The following COL4A3 variants were observed in gnomAD, a reference collection of about 807,000 sequenced individuals.
The protein encoded by COL4A3 is collagen type IV alpha 3 chain, also known as collagen alpha-3(IV) chain.
In COL4A3, 135 loss-of-function variants were observed where a neutral mutation model predicts 217.4. The observed-to-expected ratio is 0.62, with a 90% CI of 0.54 to 0.72. The LOEUF (loss-of-function observed/expected upper bound fraction) is 0.72. Ranked by LOEUF, COL4A3 falls within the 30% of genes least tolerant of loss-of-function variation. The pLI is 0.00. For missense variants in COL4A3, 1,868 were observed against 2,119.9 expected, an observed-to-expected ratio of 0.88 and a Z score of 2.33; for synonymous variants, 690 against 736.3, an observed-to-expected ratio of 0.94 and a Z score of 1.02.
chr2:227,214,209 ATGTC>A (rs1359257126), intron 1 of COL4A3, among the ~76,000 whole-genome samples: 6 of 152,186 alleles, frequency 3.9e-5, no homozygotes, highest in Admixed American at 3.3e-4. Context: ...ATAATATACA[ATGTC>A]TGTGTGGAGT....
rs2069661844 is a variant in COL4A3, at chr2:227,250,345, TAG to T, written c.547-793_547-792del. Among the ~76,000 whole-genome samples the T allele has an allele frequency of 5.5e-5, 4 of 72,722 alleles. No individual in the cohort carries two copies. The South Asian group carries it at 1.6e-3, about 30-fold the overall frequency. The allele number at this position is 72,722 out of a possible 152,430, so 47.7% of individuals were successfully genotyped here. On this transcript the variant is annotated intron_variant, in intron 9 of 51. Coordinates refer to ENST00000396578, the MANE Select transcript of COL4A3 (RefSeq NM_000091.5). The surrounding 1 kb of genome is among the most constrained non-coding windows in gnomAD (Gnocchi z 4.1). ...AGGTAGATAGATAAAAGATGATAGA[TAG>T]ATAGATAGATAGATAGATAGATAGA...
In COL4A3 at chr2:227,282,444, A is replaced by T. The variant is rs1351637178; in HGVS notation, c.2568A>T (p.Gly856=). 6.2e-7 allele frequency: 1 copy of T among 1,613,802 alleles called. No homozygotes were observed. The highest frequency in any genetic ancestry group is 1.7e-5 in the Admixed American group (1 of 60,010). The part of the protein sequence containing the change: ...LDRSGFPGET[G]SPGIPGHQGE... ...GATCAGGATTTCCTGGAGAAACTGGATCACCAGGAATTCCAGGTCATCAAG... is the reference window on the plus strand; with the variant it reads ...GATCAGGATTTCCTGGAGAAACTGGTTCACCAGGAATTCCAGGTCATCAAG... The change falls in exon 32 of 52, where the codon GGA becomes GGT. Residue 856 remains glycine (G), a synonymous_variant. Transcript: ENST00000396578. This position sits in a 1 kb window ranked among gnomAD's most constrained non-coding sequence, Gnocchi z 4.4.
intron 1 of COL4A3, among the ~76,000 whole-genome samples, chr2:227,201,247 T>G (rs2125736220): frequency 6.6e-6 from 1 of 152,326 alleles, no homozygotes; most frequent in South Asian, 2.1e-4. Context: ...CGGTCTTATT[T>G]ACAAGTTCAT....
chr2:227,234,053 T>C (rs535054004), intron 1 of COL4A3, among the ~76,000 whole-genome samples: 2 of 152,172 alleles, frequency 1.3e-5, no homozygotes, highest in Non-Finnish European at 2.9e-5. Context: ...ATTGATTTCT[T>C]AGTTTTGGGG....
intron 1 of COL4A3, among the ~76,000 whole-genome samples, chr2:227,208,579 C>G (rs1049545024): frequency 2.6e-5 from 4 of 152,106 alleles, no homozygotes; most frequent in Admixed American, 1.3e-4. Context: ...AGCCCCTACC[C>G]GCCAAACTAT....
chr2:227,254,750 G>A (rs1271142743), intron 15 of COL4A3, 35 bp downstream of exon 15: 4 of 1,483,930 alleles, frequency 2.7e-6, no homozygotes, highest in Non-Finnish European at 2.8e-6. Flanking sequence ...GTGCAGTTTT[G>A]ATTAGTCAGG....
At chr2:227,172,517 C>CTTG (rs2065519999) in intron 1 of COL4A3, among the ~76,000 whole-genome samples, 1 of 150,608 alleles carries the variant, frequency 6.6e-6, no homozygotes. Context: ...CCTTCTTCTT[C>CTTG]GTCTTTGTCA....
chr2:227,176,792 A>G (rs1228657904), intron 1 of COL4A3, among the ~76,000 whole-genome samples: 2 of 152,210 alleles, frequency 1.3e-5, no homozygotes, highest in Non-Finnish European at 2.9e-5. Flanking sequence ...CTTTCTCTGT[A>G]TCAAATGACG....
chr2:227,237,426 A>G (rs919763643), intron 1 of COL4A3, among the ~76,000 whole-genome samples: 2 of 152,226 alleles, frequency 1.3e-5, no homozygotes, highest in African/African-American at 4.8e-5. Flanking sequence ...TGGCAAAAAA[A>G]TTGTCCAAGT....
In COL4A3 at chr2:227,245,961, C is replaced by T; in HGVS notation, c.332C>T (p.Pro111Leu). 1 of 1,613,856 alleles carries T rather than the reference C, an allele frequency of 6.2e-7. No homozygotes were observed. Among genetic ancestry groups the T allele is most frequent in the East Asian group, 2.2e-5 (1 of 44,878 alleles). Residue 111 changes from proline to leucine, a missense_variant, in exon 6 of 52, where the codon CCA becomes CTA. Pro to Leu is a moderately conservative substitution (Grantham distance 98, BLOSUM62 -3). Around this residue, in one of 2 missense-constraint regions of COL4A3, gnomAD observed 365 missense variants for 333.8 expected, o/e 1.09. Transcript: ENST00000396578. ...FSGSPGLPGT[P>L]GNTGPYGLVG... ...GACTTGTTCTTCTTCCAGGGCACCC[C>T]AGGCAATACCGGGCCTTACGGACTT...
intron 37 of COL4A3, 167 bp downstream of exon 37, chr2:227,291,053 G>C: frequency 1.3e-6 from 1 of 760,046 alleles, no homozygotes; most frequent in Non-Finnish European, 2.1e-6. Context: ...GAGGATGCTT[G>C]TCTGTCACAG....
At chr2:227,281,425 A>G (rs1290523882) in intron 31 of COL4A3, among the ~76,000 whole-genome samples, 1 of 152,216 alleles carries the variant, frequency 6.6e-6, no homozygotes, top group Non-Finnish European at 1.5e-5. Context: ...AAACTTATAA[A>G]CTAAAATATG....
chr2:227,282,009 T>A lies in COL4A3; in HGVS notation c.2489-356T>A, dbSNP rs1410140599. ...TAAAGTGGCCGGGTGCAGTGGCTCA[T>A]GCCTGTAATCCCAGCACTATGGGAG... On this transcript the variant is annotated intron_variant, in intron 31 of 51. Coordinates refer to ENST00000396578, the MANE Select transcript of COL4A3 (RefSeq NM_000091.5). The surrounding 1 kb of genome is among the most constrained non-coding windows in gnomAD (Gnocchi z 4.4). Among the ~76,000 whole-genome samples the A allele has an allele frequency of 6.6e-6, 1 of 152,176 alleles. No homozygotes were observed. Among genetic ancestry groups the A allele is most frequent in the African/African-American group, 2.4e-5 (1 of 41,438 alleles).
chr2:227,190,216 A>G (rs747033255), intron 1 of COL4A3, among the ~76,000 whole-genome samples: 4 of 152,260 alleles, frequency 2.6e-5, no homozygotes, highest in Admixed American at 2.6e-4. Context: ...AATGCAAGGC[A>G]CATGCAGGTC....
At chr2:227,276,272 A>AT in intron 26 of COL4A3, 113 bp from the exon 27 acceptor site, 1 of 810,434 alleles carries the variant, frequency 1.2e-6, no homozygotes, top group Non-Finnish European at 2.1e-6. Flanking sequence ...AACAGAGGTT[A>AT]TTTTTTATTT....
intron 1 of COL4A3, among the ~76,000 whole-genome samples, chr2:227,195,733 G>T (rs1434122485): frequency 2.0e-5 from 3 of 146,684 alleles, no homozygotes; most frequent in Non-Finnish European, 1.5e-5. Context: ...CCTCAGGCAG[G>T]TCCTTCAGGA....
rs191002419 is a variant in COL4A3 at position 227,303,941 on chromosome 2, G to A, written c.4027+11G>A. On this transcript the variant is annotated intron_variant, in intron 45 of 51. Transcript: ENST00000396578. Reference sequence around the variant, plus strand: ...CAAAAGGACCACCTGGTAAATAAACGTCCTTACTATTGCTGTCAATGAAGA... The same window carrying A: ...CAAAAGGACCACCTGGTAAATAAACATCCTTACTATTGCTGTCAATGAAGA... 8.7e-6 allele frequency: 14 copies of A among 1,614,074 alleles called. 1 individual carries two copies. The highest frequency in any genetic ancestry group is 1.6e-4 in the Middle Eastern group (1 of 6,084).
chr2:227,251,157 A>G lies in COL4A3; in HGVS notation c.564A>G (p.Pro188=), dbSNP rs768923277. The change falls in exon 10 of 52, where the codon CCA becomes CCG. Residue 188 remains proline, a synonymous_variant. Transcript: ENST00000396578. Reference sequence around the variant, plus strand: ...ATTTCAAGGGTTTGCCAGGCCCTCCAGGTTTTCCTGGGCCTGTTGGCCCAC... The same window carrying G: ...ATTTCAAGGGTTTGCCAGGCCCTCCGGGTTTTCCTGGGCCTGTTGGCCCAC... The part of the protein sequence containing the change: ...APGPQGLPGP[P]GFPGPVGPPG... 3.7e-6 allele frequency: 6 copies of G among 1,613,704 alleles called. No individual in the cohort carries two copies. In the African/African-American group the frequency reaches 8.0e-5, roughly 22 times the overall value.
intron 5 of COL4A3, 113 bp from the exon 6 acceptor site, chr2:227,245,841 A>T: frequency 1.2e-6 from 1 of 845,636 alleles, no homozygotes; most frequent in Non-Finnish European, 2.1e-6. Flanking sequence ...CTACTTAACC[A>T]TTTAAACAAT....
Sources: allele counts gnomAD v4.1 joint callset (sites outside exome capture counted in the v4.1 genomes callset), GRCh38; gene constraint gnomAD v4.1.1; regional missense constraint gnomAD v4.1.1; non-coding constraint Gnocchi (gnomAD v3.1); transcripts MANE v1.5; gene names NCBI Gene and HGNC (gene_info 2026-07-23, HGNC 2026-07-21).